The following SEMA3E variants were observed in gnomAD, a reference collection of about 807,000 sequenced individuals.
The protein encoded by SEMA3E is semaphorin 3E.
In SEMA3E, 49 loss-of-function variants were observed where a neutral mutation model predicts 93.6. That is an observed-to-expected ratio of 0.52 (90% CI 0.42 to 0.66). SEMA3E has a LOEUF of 0.66. Among genes scored for constraint, SEMA3E ranks in the 30% least tolerant of loss-of-function variants. SEMA3E has a pLI of 0.00. For synonymous variants in SEMA3E, 363 were observed against 330.7 expected, an observed-to-expected ratio of 1.10 and a Z score of -1.06; for missense variants, 906 against 964.8, an observed-to-expected ratio of 0.94 and a Z score of 0.81.
chr7:83,600,741 CAGAT>C (rs2115980973), intron 1 of SEMA3E, among the ~76,000 whole-genome samples: 1 of 151,940 alleles, frequency 6.6e-6, no homozygotes, highest in Non-Finnish European at 1.5e-5. Context: ...GTCATCATCA[CAGAT>C]AAATAAAAAT....
rs554368142 is a variant in SEMA3E, at chr7:83,434,448, A to G, written c.457-15965T>C. The stretch of plus-strand genomic sequence containing the variant: ...ATCTCAAAGCAAACTTTATTAAATT[A>G]GAATTCATCCAATATGCTTTCAACT... On this transcript the variant is annotated intron_variant, in intron 4 of 16. Coordinates refer to ENST00000643230, the MANE Select transcript of SEMA3E (RefSeq NM_012431.3). 4.6e-5 allele frequency among the ~76,000 whole-genome samples: 7 copies of G among 152,330 alleles called. No homozygotes were observed. The South Asian group carries it at 1.2e-3, about 27-fold the overall frequency.
In SEMA3E at chr7:83,490,224, G is replaced by A. The variant is rs758708425; in HGVS notation, c.166C>T (p.Leu56Phe). 1 of 1,612,918 alleles carries A rather than the reference G, an allele frequency of 6.2e-7. No homozygotes were observed. The highest frequency in any genetic ancestry group is 1.1e-5 in the South Asian group (1 of 91,056). Residue 56 changes from leucine (L) to phenylalanine (F), a missense_variant, in exon 2 of 17, where the codon CTT (leucine) becomes TTT (phenylalanine). By Grantham distance (22) the Leu-to-Phe change is conservative. Coordinates refer to ENST00000643230, the MANE Select transcript of SEMA3E (RefSeq NM_012431.3). ...TCCAGCAGCATTGTATGGAGATCAAGAAATCCAAAAGGGCTATGAAATATT... is the reference window on the plus strand; with the variant it reads ...TCCAGCAGCATTGTATGGAGATCAAAAAATCCAAAAGGGCTATGAAATATT... ...TSIFHSPFGF[L>F]DLHTMLLDEY...
At chr7:83,459,313 A>G (rs985878433) in intron 4 of SEMA3E, among the ~76,000 whole-genome samples, 2 of 152,176 alleles carry the variant, frequency 1.3e-5, no homozygotes, top group Middle Eastern at 3.2e-3. Context: ...CAAAACCACA[A>G]AGCAACTATT....
chr7:83,544,876 A>G (rs1478186832), intron 1 of SEMA3E, among the ~76,000 whole-genome samples: 1 of 152,078 alleles, frequency 6.6e-6, no homozygotes, highest in Non-Finnish European at 1.5e-5. Flanking sequence ...TAAAGCCATG[A>G]TTTAATGGTT....
intron 14 of SEMA3E, among the ~76,000 whole-genome samples, chr7:83,388,255 G>GCCAAGATTGCACCACTGCACTC (rs1334208074): frequency 1.3e-5 from 2 of 148,258 alleles, no homozygotes; most frequent in Non-Finnish European, 3.0e-5. Context: ...GTTCCAGTGA[G>GCCAAGATTGCACCACTGCACTC]CCAAGATTGC....
rs773279413 is a variant in SEMA3E, at chr7:83,396,709, C to T, written c.1387G>A (p.Val463Ile). 3.1e-6 allele frequency: 5 copies of T among 1,599,552 alleles called. No individual in the cohort carries two copies. The South Asian group carries it at 5.5e-5, about 18-fold the overall frequency. Reference protein sequence around the residue: ...IGTDNGIVLKVITIYNQEMES... With the variant: ...IGTDNGIVLKIITIYNQEMES... ...ATTTCTTGGTTGTAAATTGTGATTA[C>T]TTTCAGCACAATTCCATTATCTGTA... Residue 463 changes from valine (V) to isoleucine (I), a missense_variant, in exon 12 of 17, where the codon GTA (valine) becomes ATA (isoleucine). Val to Ile is a conservative substitution (Grantham distance 29). Transcript: ENST00000643230.
In SEMA3E at chr7:83,447,163, A is replaced by G. The variant is rs893377977; in HGVS notation, c.456+19319T>C. Among the ~76,000 whole-genome samples the G allele has an allele frequency of 2.6e-5, 4 of 152,180 alleles. No homozygotes were observed. The East Asian group carries it at 7.7e-4, about 29-fold the overall frequency. ...TCTATAAATAATGCTGAATCTATAT[A>G]CTGATCAATTAATCAATATAGACTA... is the stretch of plus-strand genomic sequence containing the variant. On this transcript the variant is annotated intron_variant, in intron 4 of 16. Transcript: ENST00000643230.
chr7:83,519,069 C>T (rs1278347587), intron 1 of SEMA3E, among the ~76,000 whole-genome samples: 1 of 151,872 alleles, frequency 6.6e-6, no homozygotes, highest in Non-Finnish European at 1.5e-5. Flanking sequence ...GTGCTGCACC[C>T]ATTAACTCGT....
chr7:83,428,161 GT>G (rs1788810519), intron 4 of SEMA3E, among the ~76,000 whole-genome samples: 1 of 152,156 alleles, frequency 6.6e-6, no homozygotes. Context: ...AATGTCTGTG[GT>G]AAGCTCTTTT....
chr7:83,517,319 A>G (rs1448081486), intron 1 of SEMA3E, among the ~76,000 whole-genome samples: 1 of 152,198 alleles, frequency 6.6e-6, no homozygotes, highest in African/African-American at 2.4e-5. Context: ...AGAGTAAGCA[A>G]TGAAGTACTG....
At chr7:83,628,148 A>C (rs536109487) in intron 1 of SEMA3E, among the ~76,000 whole-genome samples, 1 of 151,936 alleles carries the variant, frequency 6.6e-6, no homozygotes, top group African/African-American at 2.4e-5. Flanking sequence ...GTTGACCTCC[A>C]CTCTCTTCTG....
intron 1 of SEMA3E, among the ~76,000 whole-genome samples, chr7:83,515,327 GAGTA>G (rs1420499933): frequency 2.0e-5 from 3 of 150,438 alleles, no homozygotes; most frequent in African/African-American, 7.3e-5. Flanking sequence ...CCTAGGTTCT[GAGTA>G]AGTGTTGTTA....
intron 1 of SEMA3E, among the ~76,000 whole-genome samples, chr7:83,549,240 T>G (rs1466632292): frequency 6.6e-6 from 1 of 152,162 alleles, no homozygotes; most frequent in Non-Finnish European, 1.5e-5. Context: ...CTTTAACATG[T>G]TATCTCATTT....
intron 2 of SEMA3E, among the ~76,000 whole-genome samples, chr7:83,479,644 AG>A (rs989929088): frequency 6.6e-6 from 1 of 152,156 alleles, no homozygotes; most frequent in Non-Finnish European, 1.5e-5. Flanking sequence ...TTCTCACAAA[AG>A]CTAAGAGAAA....
intron 16 of SEMA3E, among the ~76,000 whole-genome samples, chr7:83,373,985 T>TCC (rs1794784202): frequency 6.6e-6 from 1 of 152,062 alleles, no homozygotes; most frequent in Non-Finnish European, 1.5e-5. Context: ...GGCAGGCAGA[T>TCC]CACCTGAGGT....
At chr7:83,439,309 T>C (rs1049417551) in intron 4 of SEMA3E, among the ~76,000 whole-genome samples, 3 of 152,210 alleles carry the variant, frequency 2.0e-5, no homozygotes, top group African/African-American at 7.2e-5. Context: ...CAGTAAGAAC[T>C]GGACAGCTGC....
intron 1 of SEMA3E, among the ~76,000 whole-genome samples, chr7:83,621,215 A>C (rs546439584): frequency 6.6e-6 from 1 of 152,312 alleles, no homozygotes; most frequent in South Asian, 2.1e-4. Context: ...GCATGCAGAG[A>C]GCCAAATCAT....
chr7:83,466,390 T>A (rs573259133), intron 4 of SEMA3E, 92 bp downstream of exon 4: 7 of 1,469,858 alleles, frequency 4.8e-6, no homozygotes, highest in South Asian at 1.1e-5. Flanking sequence ...AATGCTTTTA[T>A]CTTTCTTGGG....
intron 1 of SEMA3E, among the ~76,000 whole-genome samples, chr7:83,581,534 A>G (rs1792517845): frequency 6.6e-6 from 1 of 152,006 alleles, no homozygotes; most frequent in South Asian, 2.1e-4. Flanking sequence ...AGCATTTTAA[A>G]CAGTGTACAT....
Sources: allele counts gnomAD v4.1 joint callset (sites outside exome capture counted in the v4.1 genomes callset), GRCh38; gene constraint gnomAD v4.1.1; transcripts MANE v1.5; gene names NCBI Gene and HGNC (gene_info 2026-07-23, HGNC 2026-07-21).